The following AKAP13 variants were observed in gnomAD, a reference collection of about 807,000 sequenced individuals.
AKAP13 encodes A-kinase anchoring protein 13, also known as A-kinase anchor protein 13.
AKAP13 carries 80 observed loss-of-function variants against 264.5 expected under a neutral mutation model. The ratio of observed to expected loss-of-function variants is 0.30; its 90% CI spans 0.25 to 0.36. AKAP13 has a LOEUF of 0.36. Among genes scored for constraint, AKAP13 ranks in the 10% least tolerant of loss-of-function variants. The pLI is 1.00. For synonymous variants in AKAP13, 1,380 were observed against 1,250.2 expected (o/e 1.10, Z -2.19); for missense variants, 3,712 against 3,435.2 (o/e 1.08, Z -2.01).
chr15:85,662,286 GTC>G, intron 12 of AKAP13: 1 of 1,151,816 alleles, frequency 8.7e-7, no homozygotes, highest in Non-Finnish European at 1.3e-6. Flanking sequence ...GCATAAATCC[GTC>G]TGTCTCTAAC....
intron 8 of AKAP13, among the ~76,000 whole-genome samples, chr15:85,628,683 G>T (rs2081548013): frequency 6.6e-6 from 1 of 151,588 alleles, no homozygotes; most frequent in South Asian, 2.1e-4. Flanking sequence ...TTTTTTTTCA[G>T]TTACAGCATT....
intron 14 of AKAP13, among the ~76,000 whole-genome samples, chr15:85,677,291 T>C (rs1006853631): frequency 2.0e-5 from 3 of 152,204 alleles, no homozygotes; most frequent in Non-Finnish European, 2.9e-5. Flanking sequence ...TTCTGTATAG[T>C]ACTAACGCTG....
At chr15:85,696,834 G>A (rs1428401941) in intron 17 of AKAP13, among the ~76,000 whole-genome samples, 1 of 152,178 alleles carries the variant, frequency 6.6e-6, no homozygotes, top group Admixed American at 6.5e-5. Flanking sequence ...GGTATGTAGT[G>A]GGAGCTGGGA....
chr15:85,496,099 A>G (rs764686899), intron 2 of AKAP13, among the ~76,000 whole-genome samples: 2 of 152,310 alleles, frequency 1.3e-5, no homozygotes, highest in African/African-American at 4.8e-5. Flanking sequence ...AATCATGACA[A>G]TAGACATATA....
chr15:85,400,872 ATATTT>A (rs147350045), intron 1 of AKAP13, among the ~76,000 whole-genome samples: 22,763 of 102,116 alleles, frequency 0.22, 1,919 homozygotes, highest in Middle Eastern at 0.31. Context: ...ATATATATAT[ATATTT>A]TTTTTTTTTA....
intron 14 of AKAP13, chr15:85,677,082 G>T (rs990259557): frequency 8.1e-6 from 8 of 985,278 alleles, no homozygotes; most frequent in East Asian, 1.1e-4. Context: ...CGAGTGATGA[G>T]GAGGAGGAGT....
chr15:85,631,743 G>A (rs1292781515), intron 8 of AKAP13, among the ~76,000 whole-genome samples: 1 of 152,102 alleles, frequency 6.6e-6, no homozygotes, highest in Non-Finnish European at 1.5e-5. Context: ...GGAAGGGAGT[G>A]GGGATAAACG....
Position 85,568,912 on chromosome 15 carries a change from C to A in AKAP13, c.663-6219C>A, listed in dbSNP as rs546399234. On this transcript the variant is annotated intron_variant, in intron 5 of 36. Coordinates refer to ENST00000394518, the MANE Select transcript of AKAP13 (RefSeq NM_007200.5). ...GGTAGTGAAGGCCCTAGGGTAATTG[C>A]CCCATAACAAGAGTGGCTGTAAGAG... 3.0e-3 allele frequency among the ~76,000 whole-genome samples: 463 copies of A among 152,190 alleles called. 2 individuals are homozygous for A. The highest frequency in any genetic ancestry group is 5.0e-3 in the Non-Finnish European group (342 of 68,008).
chr15:85,486,590 C>G (rs28402114), intron 2 of AKAP13, among the ~76,000 whole-genome samples: 3,029 of 152,038 alleles, frequency 0.02, 98 homozygotes, highest in African/African-American at 0.069. Context: ...ACTCTGAAGT[C>G]GATTCCTTTC....
intron 26 of AKAP13, among the ~76,000 whole-genome samples, chr15:85,723,932 C>T (rs190149321): frequency 3.9e-5 from 6 of 152,192 alleles, no homozygotes; most frequent in East Asian, 1.9e-4. Flanking sequence ...AATAGTCAGC[C>T]GTATCAAGTT....
At chr15:85,485,634 C>A (rs570362264) in intron 1 of AKAP13, 76 bp from the exon 2 acceptor site, 9 of 1,323,926 alleles carry the variant, frequency 6.8e-6, no homozygotes, top group Non-Finnish European at 8.7e-6. Flanking sequence ...TGCTTGACAC[C>A]TAGGACTTTA....
chr15:85,555,515 T>A, intron 5 of AKAP13: 1 of 1,226,568 alleles, frequency 8.2e-7, no homozygotes, highest in Non-Finnish European at 1.1e-6. Flanking sequence ...TCCAGACCAA[T>A]GCTTTGTTAA....
rs558974466 is a variant in AKAP13 at position 85,655,153 on chromosome 15, C to G, written c.4375-264C>G. On this transcript the variant is annotated intron_variant, in intron 10 of 36. Transcript: ENST00000394518. ...GTTGTGGTGAGCTAAGATGGAGCCA[C>G]TGTACTCCAGCCTGGGCGACAGAGT... Among the ~76,000 whole-genome samples the G allele has an allele frequency of 7.9e-5, 12 of 152,274 alleles. No homozygotes were observed. In the East Asian group the frequency reaches 1.7e-3, roughly 22 times the overall value.
Position 85,743,740 on chromosome 15 carries a change from C to G in AKAP13, c.8307C>G (p.Ala2769=), listed in dbSNP as rs566268425. 6 of 1,614,092 alleles carry G rather than the reference C, an allele frequency of 3.7e-6. No homozygotes were observed. In the African/African-American group the frequency reaches 8.0e-5, roughly 22 times the overall value. ...GQSQAPASTS[A]STRLFGLTKP... is the part of the protein sequence containing the mutation. Reference sequence around the variant, plus strand: ...GCCAGGCCCCTGCGTCCACCTCTGCCTCTACCCGCCTGTTTGGGTTAACAA... The same window carrying G: ...GCCAGGCCCCTGCGTCCACCTCTGCGTCTACCCGCCTGTTTGGGTTAACAA... The change falls in exon 36 of 37, where the codon GCC becomes GCG. Residue 2769 remains alanine, a synonymous_variant. Coordinates refer to ENST00000394518, the MANE Select transcript of AKAP13 (RefSeq NM_007200.5).
chr15:85,710,048 C>T (rs11630688), intron 18 of AKAP13, among the ~76,000 whole-genome samples: 28,711 of 152,080 alleles, frequency 0.19, 3,584 homozygotes, highest in Middle Eastern at 0.4. Flanking sequence ...TCAGATTAAT[C>T]GCTTCAGTGT....
chr15:85,499,982 C>G (rs751559523), intron 2 of AKAP13, among the ~76,000 whole-genome samples: 1 of 152,072 alleles, frequency 6.6e-6, no homozygotes, highest in Non-Finnish European at 1.5e-5. Context: ...TTTATTGTTT[C>G]CAAGTAGAAT....
intron 17 of AKAP13, among the ~76,000 whole-genome samples, chr15:85,694,317 C>G (rs1262418061): frequency 6.6e-6 from 1 of 152,192 alleles, no homozygotes; most frequent in Non-Finnish European, 1.5e-5. Flanking sequence ...GCAGGAGTTG[C>G]TTAACTTTTT....
intron 5 of AKAP13, among the ~76,000 whole-genome samples, chr15:85,556,348 T>G (rs971661135): frequency 2.0e-5 from 3 of 152,214 alleles, no homozygotes; most frequent in Non-Finnish European, 2.9e-5. Flanking sequence ...ACTGCAGATA[T>G]GCAGTGCATT....
At chr15:85,489,900 T>C (rs2151068386) in intron 2 of AKAP13, among the ~76,000 whole-genome samples, 1 of 152,370 alleles carries the variant, frequency 6.6e-6, no homozygotes, top group African/African-American at 2.4e-5. Flanking sequence ...TGCAGGACCC[T>C]GGCCTGAAAC....
Sources: gnomAD v4.1 joint callset for allele counts (sites outside exome capture counted in the v4.1 genomes callset) on GRCh38, gnomAD v4.1.1 for gene constraint, MANE v1.5 for transcripts, NCBI Gene and HGNC (gene_info 2026-07-23, HGNC 2026-07-21) for gene names.